CEP97: variants seen among roughly 807,000 people sequenced by gnomAD.
The protein encoded by CEP97 is centrosomal protein of 97 kDa.
In CEP97, 43 loss-of-function variants were observed where a neutral mutation model predicts 73.1. The observed-to-expected ratio is 0.59, with a 90% CI of 0.46 to 0.76. The LOEUF is 0.76. Ranked by LOEUF, CEP97 falls within the 30% of genes least tolerant of loss-of-function variation. CEP97 has a pLI of 0.00. For missense variants in CEP97, 939 were observed against 1,014.0 expected (o/e 0.93, Z 1.00); for synonymous variants, 337 against 370.0 (o/e 0.91, Z 1.02).
intron 6 of CEP97, among the ~76,000 whole-genome samples, chr3:101,735,466 G>T (rs554587740): frequency 2.0e-5 from 3 of 152,254 alleles, no homozygotes; most frequent in East Asian, 1.9e-4. Context: ...CACAGAAGGC[G>T]GGTGATTTCT....
intron 4 of CEP97, among the ~76,000 whole-genome samples, chr3:101,730,843 C>G (rs912487341): frequency 4.6e-5 from 7 of 152,050 alleles, no homozygotes; most frequent in African/African-American, 1.7e-4. Flanking sequence ...TCACTTTTTC[C>G]CAGATCTTTA....
chr3:101,755,674 T>TGA, intron 7 of CEP97, 80 bp downstream of exon 7: 1 of 1,399,924 alleles, frequency 7.1e-7, no homozygotes, highest in Admixed American at 1.7e-5. Flanking sequence ...ATAGTAAGCC[T>TGA]GAGGCAAGTG....
At chr3:101,741,823 C>A (rs867039799) in intron 6 of CEP97, among the ~76,000 whole-genome samples, 1 of 151,998 alleles carries the variant, frequency 6.6e-6, no homozygotes, top group Non-Finnish European at 1.5e-5. Context: ...AGGTGGATCA[C>A]GAGGTCAGAA....
Position 101,765,287 on chromosome 3 carries a change from A to G in CEP97, c.2334A>G (p.Ser778=), listed in dbSNP as rs1939285094. The G allele has an allele frequency of 6.2e-7, 1 of 1,614,068 alleles. No homozygotes were observed. ...DNSLLEQYLT[S]VQQLEDADER... Reference sequence around the variant, plus strand: ...GTCTGCTTGAACAGTATTTAACTTCAGTTCAACAGCTGGAAGATGCTGATG... The same window carrying G: ...GTCTGCTTGAACAGTATTTAACTTCGGTTCAACAGCTGGAAGATGCTGATG... Residue 778 remains serine (S), a synonymous_variant, in exon 11 of 11, where the codon TCA becomes TCG. Coordinates refer to ENST00000341893, the MANE Select transcript of CEP97 (RefSeq NM_024548.4).
intron 9 of CEP97, chr3:101,759,378 T>A (rs1939108673): frequency 1.3e-5 from 2 of 152,208 alleles, no homozygotes; most frequent in African/African-American, 2.4e-5. Flanking sequence ...ATATGAAGTA[T>A]TGCCAACTGA....
At chr3:101,733,617 G>A (rs1313770510) in intron 6 of CEP97, among the ~76,000 whole-genome samples, 5 of 150,052 alleles carry the variant, frequency 3.3e-5, no homozygotes, top group East Asian at 2.0e-4. Flanking sequence ...TGCAAGCTCC[G>A]CCTCCCGGGT....
intron 6 of CEP97, 47 bp from the exon 7 acceptor site, chr3:101,755,383 T>G (rs773567931): frequency 1.3e-6 from 2 of 1,533,468 alleles, no homozygotes; most frequent in Non-Finnish European, 1.8e-6. Flanking sequence ...CAATGTGTGT[T>G]GACTATTCTC....
At chr3:101,752,038 T>G (rs1232646518) in intron 6 of CEP97, among the ~76,000 whole-genome samples, 1 of 152,204 alleles carries the variant, frequency 6.6e-6, no homozygotes, top group Non-Finnish European at 1.5e-5. Context: ...TATCGCTTGT[T>G]CCTTTCCATG....
intron 4 of CEP97, 110 bp downstream of exon 4, chr3:101,729,047 A>G: frequency 1.5e-6 from 1 of 666,250 alleles, no homozygotes; most frequent in Non-Finnish European, 2.7e-6. Context: ...TGCTTTCTTT[A>G]TGATAAGAAT....
At chr3:101,725,875 T>A (rs1472767643) in intron 1 of CEP97, among the ~76,000 whole-genome samples, 2 of 135,294 alleles carry the variant, frequency 1.5e-5, no homozygotes, top group Non-Finnish European at 3.4e-5. Flanking sequence ...CTTTTTTTTT[T>A]TGTTTTTTTT....
chr3:101,758,057 G>C lies in CEP97; in HGVS notation c.1451G>C (p.Cys484Ser). The change falls in exon 9 of 11, where the codon TGT becomes TCT. Residue 484 changes from cysteine to serine, a missense_variant. By Grantham distance (112) the Cys-to-Ser change is moderately radical. Transcript: ENST00000341893. ...EVNEKAGLLP[C>S]PEPTIISAIL... ...AATGAGAAAGCTGGACTATTACCTT[G>C]TCCTGAGCCAACAATAATCAGTGCT... 1 of 1,614,218 alleles carries C rather than the reference G, an allele frequency of 6.2e-7. No homozygotes were observed. Among genetic ancestry groups the C allele is most frequent in the South Asian group, 1.1e-5 (1 of 91,088 alleles).
At chr3:101,730,150 T>C (rs1342278165) in intron 4 of CEP97, among the ~76,000 whole-genome samples, 1 of 152,174 alleles carries the variant, frequency 6.6e-6, no homozygotes, top group East Asian at 1.9e-4. Flanking sequence ...CTCAAACTCC[T>C]GGACTCTAGC....
At position 101,736,728 on chromosome 3, in the gene CEP97, C is replaced by T. The variant is rs80244569; in HGVS notation, c.728+4074C>T. On this transcript the variant is annotated intron_variant, in intron 6 of 10. Coordinates refer to ENST00000341893, the MANE Select transcript of CEP97 (RefSeq NM_024548.4). ...CAAAGACCAATAGTAGATAAATCCACGAAGATGAGGAAAAACCAGTGCAAA... is the reference window on the plus strand; with the variant it reads ...CAAAGACCAATAGTAGATAAATCCATGAAGATGAGGAAAAACCAGTGCAAA... Among the ~76,000 whole-genome samples, 63 of 152,322 alleles carry T rather than the reference C, an allele frequency of 4.1e-4. No homozygotes were observed. The East Asian group carries it at 4.4e-3, about 11-fold the overall frequency.
intron 6 of CEP97, among the ~76,000 whole-genome samples, chr3:101,737,854 T>G (rs1399474490): frequency 4.6e-5 from 7 of 152,010 alleles, no homozygotes; most frequent in Non-Finnish European, 8.8e-5. Flanking sequence ...TAACCTTAAA[T>G]GTAAATGGGC....
chr3:101,731,384 A>G (rs1000373542), intron 4 of CEP97, among the ~76,000 whole-genome samples: 5 of 151,688 alleles, frequency 3.3e-5, no homozygotes, highest in Non-Finnish European at 7.4e-5. Flanking sequence ...GATTTTTAGT[A>G]GAGACCAGGT....
At chr3:101,727,267 C>A (rs1261848988) in intron 2 of CEP97, 116 bp from the exon 3 acceptor site, 2 of 768,916 alleles carry the variant, frequency 2.6e-6, no homozygotes, top group Non-Finnish European at 4.1e-6. Flanking sequence ...GTGAAATGTA[C>A]AAAAGGAGTT....
chr3:101,737,844 TA>T (rs1560011149), intron 6 of CEP97, among the ~76,000 whole-genome samples: 1 of 151,880 alleles, frequency 6.6e-6, no homozygotes, highest in African/African-American at 2.4e-5. Context: ...ATAACAATAT[TA>T]ACCTTAAATG....
At chr3:101,747,515 T>C (rs1305760014) in intron 6 of CEP97, among the ~76,000 whole-genome samples, 1 of 151,408 alleles carries the variant, frequency 6.6e-6, no homozygotes, top group Non-Finnish European at 1.5e-5. Flanking sequence ...CACCTCAGCC[T>C]CCCAAAGTTT....
At chr3:101,728,010 A>G (rs1436488767) in intron 3 of CEP97, among the ~76,000 whole-genome samples, 1 of 152,196 alleles carries the variant, frequency 6.6e-6, no homozygotes, top group Non-Finnish European at 1.5e-5. Context: ...CCATTAATGT[A>G]TCTGAGCTAC....
Sources: allele counts gnomAD v4.1 joint callset (sites outside exome capture counted in the v4.1 genomes callset), GRCh38; gene constraint gnomAD v4.1.1; transcripts MANE v1.5; gene names NCBI Gene and HGNC (gene_info 2026-07-23, HGNC 2026-07-21).